The following METTL24 variants were observed in gnomAD, a reference collection of about 807,000 sequenced individuals.
METTL24 encodes the protein probable methyltransferase-like protein 24.
In METTL24, 29 loss-of-function variants were observed where a neutral mutation model predicts 32.7. The observed-to-expected ratio is 0.89, with a 90% confidence interval of 0.66 to 1.21. The LOEUF (loss-of-function observed/expected upper bound fraction) is 1.21. METTL24 is among the 50% of genes most tolerant of loss of function. METTL24 has a pLI of 0.00. For synonymous variants in METTL24, 163 were observed against 179.5 expected (o/e 0.91, Z 0.73); for missense variants, 439 against 468.1 (o/e 0.94, Z 0.57).
At chr6:110,329,248 C>T (rs779126417) in intron 1 of METTL24, among the ~76,000 whole-genome samples, 6 of 152,158 alleles carry the variant, frequency 3.9e-5, no homozygotes, top group Admixed American at 6.5e-5. Flanking sequence ...ACCATCAATT[C>T]TGTGCATCAC....
At chr6:110,326,936 TG>T (rs1772027557) in intron 1 of METTL24, among the ~76,000 whole-genome samples, 1 of 152,220 alleles carries the variant, frequency 6.6e-6, no homozygotes, top group Admixed American at 6.5e-5. Context: ...GAAGGCTTCT[TG>T]TTCCAGCATT....
chr6:110,318,440 G>A (rs1771866046), intron 2 of METTL24, among the ~76,000 whole-genome samples: 1 of 152,094 alleles, frequency 6.6e-6, no homozygotes, highest in East Asian at 1.9e-4. Flanking sequence ...ACAAGATCAG[G>A]AGTTTGAGAC....
At chr6:110,261,105 C>A (rs553785905) in intron 4 of METTL24, among the ~76,000 whole-genome samples, 1,922 of 152,258 alleles carry the variant, frequency 0.013, 33 homozygotes, top group African/African-American at 0.045. Flanking sequence ...GGATCAAATT[C>A]ACAAATAACA....
chr6:110,270,057 T>C (rs1458212412), intron 4 of METTL24, among the ~76,000 whole-genome samples: 1 of 152,204 alleles, frequency 6.6e-6, no homozygotes, highest in Non-Finnish European at 1.5e-5. Context: ...CGATGATCCT[T>C]TGAAAATCAT....
chr6:110,269,333 G>A (rs1770912557), intron 4 of METTL24, among the ~76,000 whole-genome samples: 1 of 152,122 alleles, frequency 6.6e-6, no homozygotes, highest in Admixed American at 6.6e-5. Flanking sequence ...GTTCTTTGCT[G>A]TTGTTGTTGT....
intron 4 of METTL24, among the ~76,000 whole-genome samples, chr6:110,291,900 C>T (rs1355360461): frequency 6.6e-6 from 1 of 152,180 alleles, no homozygotes; most frequent in Non-Finnish European, 1.5e-5. Flanking sequence ...ATGTCAGTAC[C>T]AGACTATCTT....
At chr6:110,295,603 T>C (rs1400878078) in intron 4 of METTL24, among the ~76,000 whole-genome samples, 1 of 152,202 alleles carries the variant, frequency 6.6e-6, no homozygotes, top group Non-Finnish European at 1.5e-5. Context: ...TTACTTTCTA[T>C]ACAATCACCC....
intron 2 of METTL24, among the ~76,000 whole-genome samples, chr6:110,317,914 A>AT (rs1771855165): frequency 1.3e-5 from 2 of 152,092 alleles, no homozygotes; most frequent in African/African-American, 4.8e-5. Context: ...CCCCCAGGTG[A>AT]TTTTTATGCA....
chr6:110,357,119 C>T (rs913754600), intron 1 of METTL24, among the ~76,000 whole-genome samples: 1 of 152,124 alleles, frequency 6.6e-6, no homozygotes, highest in African/African-American at 2.4e-5. Context: ...AGGCTGGAAG[C>T]AGGAGTTGAT....
intron 3 of METTL24, among the ~76,000 whole-genome samples, chr6:110,303,277 T>C (rs1294295147): frequency 6.6e-6 from 1 of 152,070 alleles, no homozygotes; most frequent in Non-Finnish European, 1.5e-5. Flanking sequence ...GTTTTTTTTT[T>C]CATACCCCAG....
intron 4 of METTL24, among the ~76,000 whole-genome samples, chr6:110,285,165 C>T (rs369387216): frequency 6.6e-6 from 1 of 152,210 alleles, no homozygotes; most frequent in African/African-American, 2.4e-5. Context: ...AAACTGGGAA[C>T]AGAGAGGCTG....
chr6:110,279,178 C>A (rs1487647881), intron 4 of METTL24, among the ~76,000 whole-genome samples: 1 of 152,138 alleles, frequency 6.6e-6, no homozygotes, highest in South Asian at 2.1e-4. Context: ...TTCACATGGG[C>A]TAGGCATTAT....
At chr6:110,299,412 G>GT (rs906564966) in intron 3 of METTL24, among the ~76,000 whole-genome samples, 56 of 147,750 alleles carry the variant, frequency 3.8e-4, no homozygotes, top group Admixed American at 4.7e-4. Flanking sequence ...TCATCAAATT[G>GT]TTTTTTTTTT....
intron 3 of METTL24, among the ~76,000 whole-genome samples, chr6:110,308,205 C>T (rs1344134525): frequency 5.9e-5 from 9 of 152,136 alleles, no homozygotes; most frequent in Admixed American, 5.9e-4. Context: ...GGAGGGGTGC[C>T]CTTTCCCAAA....
intron 1 of METTL24, among the ~76,000 whole-genome samples, chr6:110,323,392 T>A (rs1038852022): frequency 9.9e-5 from 15 of 152,204 alleles, no homozygotes; most frequent in Non-Finnish European, 2.9e-5. Flanking sequence ...GCTGGGACCC[T>A]GCACAGGCAG....
chr6:110,244,209 A>T lies in METTL24; in HGVS notation c.*1737T>A, dbSNP rs193151796. On this transcript the variant is annotated 3_prime_UTR_variant, in exon 5 of 5. Coordinates refer to ENST00000338882, the MANE Select transcript of METTL24 (RefSeq NM_001123364.3). The stretch of plus-strand genomic sequence containing the variant: ...ATTATTAGAGATAATGTATTTTTTT[A>T]AAAAAGATTTGACAGCATAGGCAAG... Among the ~76,000 whole-genome samples the T allele has an allele frequency of 0.01, 1,544 of 152,244 alleles. 34 individuals are homozygous for T. Among genetic ancestry groups the T allele is most frequent in the African/African-American group, 0.035 (1,474 of 41,526 alleles).
chr6:110,274,847 A>G (rs1410025866), intron 4 of METTL24, among the ~76,000 whole-genome samples: 2 of 129,390 alleles, frequency 1.5e-5, no homozygotes, highest in African/African-American at 6.1e-5. Context: ...CATCCAGGCC[A>G]GAGTGCAGTG....
chr6:110,333,898 TTTC>T (rs1320845125), intron 1 of METTL24, among the ~76,000 whole-genome samples: 1 of 152,230 alleles, frequency 6.6e-6, no homozygotes, highest in Non-Finnish European at 1.5e-5. Context: ...TTTTGAGGCT[TTTC>T]TTTTTATTTT....
At chr6:110,254,378 TC>T (rs200371413) in intron 4 of METTL24, 4,240 of 152,508 alleles carry the variant, frequency 0.028, 227 homozygotes, top group African/African-American at 0.095. Context: ...ACGCCTATAA[TC>T]CCAGCACTTT....
Sources: allele counts gnomAD v4.1 joint callset (sites outside exome capture counted in the v4.1 genomes callset), GRCh38; gene constraint gnomAD v4.1.1; transcripts MANE v1.5; gene names NCBI Gene and HGNC (gene_info 2026-07-23, HGNC 2026-07-21).